The following PKIB variants were observed in gnomAD, a reference collection of about 807,000 sequenced individuals.
PKIB encodes the protein PKI-beta.
PKIB carries 2 observed loss-of-function variants against 4.5 expected under a neutral mutation model. The ratio of observed to expected loss-of-function variants is 0.44; its 90% confidence interval spans 0.18 to 1.39. PKIB has a LOEUF of 1.39. Among genes scored for constraint, PKIB ranks in the 40% most tolerant of loss-of-function variants. The probability of loss-of-function intolerance (pLI) is 0.27; values close to 1 mark genes in which losing one functional copy is unlikely to be tolerated. For synonymous variants in PKIB, 38 were observed against 36.0 expected (o/e 1.06, Z -0.20); for missense variants, 94 against 92.6 (o/e 1.02, Z -0.06).
intron 1 of PKIB, among the ~76,000 whole-genome samples, chr6:122,629,152 ACT>A (rs1168679957): frequency 2.1e-4 from 32 of 151,906 alleles, no homozygotes; most frequent in Admixed American, 5.2e-4. Context: ...GCTTCATAAT[ACT>A]CTCTGTCTTT....
chr6:122,635,285 C>T (rs1310073118), intron 2 of PKIB, among the ~76,000 whole-genome samples: 1 of 152,044 alleles, frequency 6.6e-6, no homozygotes, highest in Non-Finnish European at 1.5e-5. Context: ...ACACATTTAG[C>T]AAGTGGGTGG....
chr6:122,562,484 G>A (rs571417864), intron 2 of PKIB, among the ~76,000 whole-genome samples: 43 of 152,086 alleles, frequency 2.8e-4, no homozygotes, highest in Non-Finnish European at 4.9e-4. Context: ...TGTGCTTTTC[G>A]TATTTGGATG....
intron 3 of PKIB, among the ~76,000 whole-genome samples, chr6:122,588,373 A>G (rs975024692): frequency 1.3e-5 from 2 of 152,046 alleles, no homozygotes; most frequent in African/African-American, 4.8e-5. Context: ...TCTAGATTCA[A>G]TGCCATCCCC....
At chr6:122,582,271 T>C (rs1484714579) in intron 2 of PKIB, among the ~76,000 whole-genome samples, 3 of 152,074 alleles carry the variant, frequency 2.0e-5, no homozygotes, top group South Asian at 2.1e-4. Flanking sequence ...AACTTAGTCA[T>C]ACCACTGTGG....
intron 2 of PKIB, among the ~76,000 whole-genome samples, chr6:122,549,495 A>G (rs1361855913): frequency 2.0e-5 from 3 of 152,086 alleles, no homozygotes; most frequent in African/African-American, 7.2e-5. Flanking sequence ...AGTTCCTTGA[A>G]GTTAGGATCC....
chr6:122,518,956 C>T (rs572676325), intron 2 of PKIB, among the ~76,000 whole-genome samples: 2 of 152,258 alleles, frequency 1.3e-5, no homozygotes, highest in East Asian at 1.9e-4. Context: ...AGATGCCTCA[C>T]TTTGGGGAAT....
At chr6:122,661,606 C>T (rs1456300140) in intron 2 of PKIB, among the ~76,000 whole-genome samples, 3 of 151,992 alleles carry the variant, frequency 2.0e-5, no homozygotes, top group Non-Finnish European at 4.4e-5. Context: ...TGATGATGGA[C>T]ATTTGTGTTT....
At chr6:122,534,940 C>A (rs1056566826) in intron 2 of PKIB, among the ~76,000 whole-genome samples, 2 of 152,070 alleles carry the variant, frequency 1.3e-5, no homozygotes, top group African/African-American at 4.8e-5. Context: ...TTTGTGATAT[C>A]CTCTCCCTTC....
rs117669897 is a variant in PKIB at position 122,528,619 on chromosome 6, T to C, written c.-248+50680T>C. ...AGAACGTTAATCTGTGGGCCAAGTG[T>C]GGTGGCTCATGCCTATAATCCTAGC... On this transcript the variant is annotated intron_variant, in intron 2 of 6. Coordinates refer to the PKIB transcript ENST00000392491. Among the ~76,000 whole-genome samples the C allele has an allele frequency of 8.2e-3, 1,248 of 152,214 alleles. 8 individuals are homozygous for C. Among genetic ancestry groups the C allele is most frequent in the South Asian group, 0.015 (73 of 4,826 alleles).
Position 122,701,547 on chromosome 6 carries a change from G to T in PKIB, c.-8-16240G>T, listed in dbSNP as rs77577630. 2.0e-4 allele frequency: 323 copies of T among 1,578,594 alleles called. No homozygotes were observed. The East Asian group carries it at 7.1e-3, about 35-fold the overall frequency. On this transcript the variant is annotated intron_variant, in intron 3 of 4. Coordinates refer to ENST00000368452, the MANE Select transcript of PKIB (RefSeq NM_181795.3). The stretch of plus-strand genomic sequence containing the variant: ...TTCTTGGGGACAAGAGCATTGCAGA[G>T]TTAAAAGAGATGGCATAACAGTGCC...
intron 3 of PKIB, among the ~76,000 whole-genome samples, chr6:122,715,417 G>C (rs985073229): frequency 6.6e-6 from 1 of 151,914 alleles, no homozygotes; most frequent in African/African-American, 2.4e-5. Flanking sequence ...TGAATTGGTG[G>C]AGGACAGAGT....
intron 2 of PKIB, chr6:122,478,280 G>T (rs576874203): frequency 3.3e-5 from 5 of 152,154 alleles, no homozygotes; most frequent in Admixed American, 1.3e-4. Flanking sequence ...GCCTTAGCTG[G>T]CCTGACTTAC....
chr6:122,646,407 A>T (rs949985562), intron 2 of PKIB, among the ~76,000 whole-genome samples: 7 of 152,188 alleles, frequency 4.6e-5, no homozygotes, highest in Non-Finnish European at 1.0e-4. Flanking sequence ...CTTAGCATTT[A>T]ACAGCCTTCT....
chr6:122,717,516 G>A (rs1397372697), intron 3 of PKIB: 3 of 429,150 alleles, frequency 7.0e-6, no homozygotes, highest in African/African-American at 4.0e-5. Context: ...CAAAAGGCAA[G>A]GGATTACTGC....
intron 2 of PKIB, among the ~76,000 whole-genome samples, chr6:122,531,778 C>T (rs1777266817): frequency 6.6e-6 from 1 of 152,196 alleles, no homozygotes; most frequent in African/African-American, 2.4e-5. Flanking sequence ...CTTTCAAATA[C>T]TAGACTGTGA....
intron 2 of PKIB, among the ~76,000 whole-genome samples, chr6:122,491,291 CTT>C (rs1775928147): frequency 6.6e-6 from 1 of 152,190 alleles, no homozygotes; most frequent in Non-Finnish European, 1.5e-5. Context: ...GCATTCTTCT[CTT>C]TACCAGTGGA....
chr6:122,613,257 T>C (rs949748201), intron 1 of PKIB, among the ~76,000 whole-genome samples: 1 of 152,210 alleles, frequency 6.6e-6, no homozygotes, highest in African/African-American at 2.4e-5. Flanking sequence ...ATGCAAAATT[T>C]TAATTGAGTT....
intron 2 of PKIB, among the ~76,000 whole-genome samples, chr6:122,647,360 A>T (rs531190778): frequency 6.6e-6 from 1 of 152,240 alleles, no homozygotes; most frequent in Non-Finnish European, 1.5e-5. Context: ...TGAGTGTCCG[A>T]TTGATTAACT....
intron 3 of PKIB, among the ~76,000 whole-genome samples, chr6:122,700,750 A>G (rs1778778193): frequency 6.6e-6 from 1 of 152,186 alleles, no homozygotes; most frequent in South Asian, 2.1e-4. Flanking sequence ...TTTCTGTAAA[A>G]TCACCTGTGG....
Sources: gnomAD v4.1 joint callset for allele counts (sites outside exome capture counted in the v4.1 genomes callset) on GRCh38, gnomAD v4.1.1 for gene constraint, MANE v1.5 for transcripts, NCBI Gene and HGNC (gene_info 2026-07-23, HGNC 2026-07-21) for gene names.